NF2: variants seen among roughly 807,000 people sequenced by gnomAD.
The protein encoded by NF2 is NF2, moesin-ezrin-radixin like (MERLIN) tumor suppressor.
A neutral mutation model predicts 83.7 loss-of-function variants in NF2; 8 were observed. The observed-to-expected ratio is 0.10, with a 90% CI of 0.06 to 0.17. The LOEUF (loss-of-function observed/expected upper bound fraction) is 0.17. Among genes scored for constraint, NF2 ranks in the 10% least tolerant of loss-of-function variants. The pLI is 1.00. For synonymous variants in NF2, 266 were observed against 269.6 expected (o/e 0.99, Z 0.13); for missense variants, 533 against 744.4 (o/e 0.72, Z 3.31).
intron 15 of NF2, chr22:29,683,870 G>A (rs2067210992): frequency 9.5e-7 from 1 of 1,052,562 alleles, no homozygotes; most frequent in African/African-American, 1.7e-5. Flanking sequence ...CCTAGGCAGT[G>A]GAGAGAATGT....
intron 4 of NF2, among the ~76,000 whole-genome samples, chr22:29,648,896 C>G (rs1412704190): frequency 6.6e-6 from 1 of 152,114 alleles, no homozygotes; most frequent in African/African-American, 2.4e-5. Context: ...GACCCCAGCT[C>G]ATTTTCATTT....
At chr22:29,664,874 A>G (rs1273340720) in intron 8 of NF2, 116 bp from the exon 9 acceptor site, 1 of 774,322 alleles carries the variant, frequency 1.3e-6, no homozygotes, top group Admixed American at 2.0e-5. Flanking sequence ...AAGCCAGGAC[A>G]AGGCATAACT....
intron 4 of NF2, among the ~76,000 whole-genome samples, chr22:29,650,542 TTCTC>T (rs1225609829): frequency 1.3e-5 from 2 of 151,668 alleles, no homozygotes; most frequent in African/African-American, 2.4e-5. Context: ...TTCTTTCTCT[TTCTC>T]TTTCTTTCTC....
chr22:29,682,916 T>A (rs1401550194), intron 15 of NF2: 3 of 1,362,894 alleles, frequency 2.2e-6, no homozygotes, highest in Non-Finnish European at 3.1e-6. Context: ...AAATCACTCA[T>A]CACGATTTCA....
chr22:29,665,070 T>C lies in NF2; in HGVS notation c.885+6T>C, dbSNP rs1601630628. ...AGCTTCGTGTTAATAAGCTGGTAAGTTGAGATCCTGGTTTTCATTACTGAT... is the reference window on the plus strand; with the variant it reads ...AGCTTCGTGTTAATAAGCTGGTAAGCTGAGATCCTGGTTTTCATTACTGAT... On this transcript the variant is annotated splice_donor_region_variant and intron_variant, in intron 9 of 15. Transcript: ENST00000338641. 1 of 1,609,106 alleles carries C rather than the reference T, an allele frequency of 6.2e-7. No individual in the cohort carries two copies. Among genetic ancestry groups the C allele is most frequent in the Non-Finnish European group, 8.5e-7 (1 of 1,175,480 alleles).
intron 12 of NF2, among the ~76,000 whole-genome samples, 184 bp downstream of exon 12, chr22:29,673,670 G>T (rs1202971054): frequency 6.6e-6 from 1 of 152,180 alleles, no homozygotes; most frequent in Non-Finnish European, 1.5e-5. Context: ...GGCGCTACTG[G>T]TTGGGCACAG....
intron 6 of NF2, 80 bp downstream of exon 6, chr22:29,655,756 G>GA: frequency 8.9e-7 from 1 of 1,126,546 alleles, no homozygotes; most frequent in Non-Finnish European, 1.3e-6. Flanking sequence ...GCAAAACTAG[G>GA]ACATGCTTGT....
intron 1 of NF2, chr22:29,608,810 A>C: frequency 3.8e-6 from 1 of 262,898 alleles, no homozygotes. Flanking sequence ...CCAAGAAGAG[A>C]CACTATCTGA....
At chr22:29,673,000 G>GT (rs1223731504) in intron 11 of NF2, among the ~76,000 whole-genome samples, 1 of 152,246 alleles carries the variant, frequency 6.6e-6, no homozygotes. Context: ...AGTTTAAGTT[G>GT]TTTTTCTCCA....
intron 13 of NF2, among the ~76,000 whole-genome samples, chr22:29,676,237 A>C (rs553209144): frequency 1.3e-5 from 2 of 152,148 alleles, no homozygotes; most frequent in African/African-American, 4.8e-5. Context: ...GCGGTGGCAG[A>C]ATCTCGGCTC....
Position 29,630,322 on chromosome 22 carries a change from C to A in NF2, c.115-6429C>A, listed in dbSNP as rs542028237. 2.5e-4 allele frequency among the ~76,000 whole-genome samples: 38 copies of A among 152,294 alleles called. 1 individual carries two copies. In the South Asian group the frequency reaches 7.7e-3, roughly 31 times the overall value. On this transcript the variant is annotated intron_variant, in intron 1 of 15. Coordinates refer to ENST00000338641, the MANE Select transcript of NF2 (RefSeq NM_000268.4). ...CTTAGTGCTATTTACTTAAAACATT[C>A]TAGGTTGATAAATTACAAGCCCTTC...
intron 1 of NF2, among the ~76,000 whole-genome samples, chr22:29,635,636 A>G (rs1048154619): frequency 2.0e-5 from 3 of 152,054 alleles, no homozygotes; most frequent in African/African-American, 7.2e-5. Context: ...CTGCCTAAGA[A>G]TTTTTTTCAT....
chr22:29,695,441 T>G lies in NF2; in HGVS notation c.*639T>G, dbSNP rs2067523526. 1 of 253,296 alleles carries G rather than the reference T, an allele frequency of 3.9e-6. No individual in the cohort carries two copies. 15.7% of individuals were successfully genotyped at this position (253,296 alleles called of 1,614,324 possible). A position where few individuals can be genotyped will look rare whatever the true frequency, so the allele number is the denominator to read the frequency against. On this transcript the variant is annotated 3_prime_UTR_variant, in exon 16 of 16. Coordinates refer to ENST00000338641, the MANE Select transcript of NF2 (RefSeq NM_000268.4). This position sits in a 1 kb window ranked among gnomAD's most constrained non-coding sequence, Gnocchi z 5.4. ...GGCAGCTGTGGCTGGGGAGAGACTT[T>G]AGGCAGAAGCTGTGATGCAGGCTGA...
In NF2 at chr22:29,661,231, T is replaced by C. The variant is rs1421768831; in HGVS notation, c.702T>C (p.Leu234=). The stretch of plus-strand genomic sequence containing the variant: ...ATAAAAAGGGCACAGAGCTGCTGCT[T>C]GGAGTGGATGCCCTGGGGCTTCACA... The part of the protein sequence containing the change: ...IRNKKGTELL[L]GVDALGLHIY... The change falls in exon 8 of 16, where the codon CTT becomes CTC. Residue 234 remains leucine (L), a synonymous_variant. Coordinates refer to ENST00000338641, the MANE Select transcript of NF2 (RefSeq NM_000268.4). 9 of 1,614,118 alleles carry C rather than the reference T, an allele frequency of 5.6e-6. No homozygotes were observed. In the South Asian group the frequency reaches 8.8e-5, roughly 16 times the overall value.
intron 6 of NF2, among the ~76,000 whole-genome samples, chr22:29,657,293 A>G (rs1056694227): frequency 1.3e-5 from 2 of 152,146 alleles, no homozygotes; most frequent in Non-Finnish European, 2.9e-5. Flanking sequence ...GCATGTGGCA[A>G]TAGTTTTCTC....
intron 1 of NF2, among the ~76,000 whole-genome samples, chr22:29,612,861 C>T (rs941764139): frequency 3.9e-5 from 6 of 151,950 alleles, no homozygotes; most frequent in Admixed American, 2.6e-4. Context: ...TTTGGGAGGC[C>T]GAGGCAGGCG....
At chr22:29,682,911 A>T in intron 15 of NF2, 1 of 1,310,564 alleles carries the variant, frequency 7.6e-7, no homozygotes, top group Non-Finnish European at 1.1e-6. Flanking sequence ...AAACAAAATC[A>T]CTCATCACGA....
At chr22:29,658,334 G>T in intron 7 of NF2, 70 bp downstream of exon 7, 1 of 1,324,604 alleles carries the variant, frequency 7.5e-7, no homozygotes, top group Non-Finnish European at 1.1e-6. Context: ...CTGCTAAAAT[G>T]GTTACTTCTT....
chr22:29,646,748 A>G (rs980571834), intron 4 of NF2, among the ~76,000 whole-genome samples: 12 of 152,198 alleles, frequency 7.9e-5, no homozygotes, highest in African/African-American at 2.9e-4. Context: ...ACTTGAATCA[A>G]AAGTGTAGGC....
Sources: allele counts gnomAD v4.1 joint callset (sites outside exome capture counted in the v4.1 genomes callset), GRCh38; gene constraint gnomAD v4.1.1; non-coding constraint Gnocchi (gnomAD v3.1); transcripts MANE v1.5; gene names NCBI Gene and HGNC (gene_info 2026-07-23, HGNC 2026-07-21).